The following SPIDR variants were observed in gnomAD, a reference collection of about 807,000 sequenced individuals.
SPIDR encodes the protein DNA repair-scaffolding protein.
A neutral mutation model predicts 104.6 loss-of-function variants in SPIDR; 93 were observed. The ratio of observed to expected loss-of-function variants is 0.89; its 90% CI spans 0.75 to 1.06. The LOEUF is 1.06. Among genes scored for constraint, SPIDR ranks in the 50% least tolerant of loss-of-function variants. The probability of loss-of-function intolerance (pLI) is 0.00; values close to 1 mark genes in which losing one functional copy is unlikely to be tolerated. For synonymous variants in SPIDR, 431 were observed against 416.9 expected, an observed-to-expected ratio of 1.03 and a Z score of -0.41; for missense variants, 1,154 against 1,111.2, an observed-to-expected ratio of 1.04 and a Z score of -0.55.
At chr8:47,417,420 GTCT>G (rs1242680323) in intron 7 of SPIDR, among the ~76,000 whole-genome samples, 1 of 152,200 alleles carries the variant, frequency 6.6e-6, no homozygotes, top group East Asian at 1.9e-4. Context: ...CTGCATAAAT[GTCT>G]TCTTGTGAGA....
intron 5 of SPIDR, among the ~76,000 whole-genome samples, chr8:47,390,841 A>G (rs1201057064): frequency 6.6e-6 from 1 of 152,186 alleles, no homozygotes; most frequent in African/African-American, 2.4e-5. Flanking sequence ...GATCAAAAAC[A>G]AATCTGTCTT....
chr8:47,363,088 G>C (rs1283925262), intron 5 of SPIDR, among the ~76,000 whole-genome samples: 1 of 151,966 alleles, frequency 6.6e-6, no homozygotes, highest in African/African-American at 2.4e-5. Context: ...GTTTCTCAGG[G>C]CTCACATTAC....
chr8:47,638,558 G>GGGAGA (rs1374984645), intron 10 of SPIDR, among the ~76,000 whole-genome samples: 1 of 152,176 alleles, frequency 6.6e-6, no homozygotes, highest in Non-Finnish European at 1.5e-5. Context: ...TCTTGCTACT[G>GGGAGA]GGAGAGCTTC....
At chr8:47,361,029 T>C (rs2055788131) in intron 5 of SPIDR, 1 of 954,098 alleles carries the variant, frequency 1.0e-6, no homozygotes, top group African/African-American at 1.8e-5. Context: ...GTGATGCTGA[T>C]AAAAGTGTAA....
At chr8:47,470,346 C>G (rs962461353) in intron 8 of SPIDR, among the ~76,000 whole-genome samples, 7 of 151,996 alleles carry the variant, frequency 4.6e-5, no homozygotes, top group African/African-American at 1.7e-4. Context: ...TGGAGTGCAG[C>G]GACACGATCT....
intron 8 of SPIDR, among the ~76,000 whole-genome samples, chr8:47,585,419 AT>A (rs1187910856): frequency 2.6e-5 from 4 of 152,274 alleles, no homozygotes; most frequent in East Asian, 3.9e-4. Context: ...TACAATGTCT[AT>A]TTTTTATTAA....
chr8:47,352,561 T>C (rs1554623147), intron 5 of SPIDR, among the ~76,000 whole-genome samples: 2 of 152,164 alleles, frequency 1.3e-5, no homozygotes. Flanking sequence ...CGTAGACTGC[T>C]AAATGTTTGT....
chr8:47,667,890 TAAA>T (rs2075202200), intron 10 of SPIDR: 2 of 152,104 alleles, frequency 1.3e-5, no homozygotes, highest in Non-Finnish European at 2.9e-5. Context: ...GTAATATTAA[TAAA>T]ACTTGAAAAA....
At chr8:47,504,231 T>C (rs1438249137) in intron 8 of SPIDR, among the ~76,000 whole-genome samples, 2 of 152,228 alleles carry the variant, frequency 1.3e-5, no homozygotes, top group Non-Finnish European at 2.9e-5. Context: ...GCAGAGTGTT[T>C]TCCAGCTTGG....
Position 47,633,573 on chromosome 8 carries a change from A to C in SPIDR, c.1544+34377A>C, listed in dbSNP as rs539652414. 3.3e-3 allele frequency among the ~76,000 whole-genome samples: 502 copies of C among 151,154 alleles called. 2 individuals are homozygous for C. The highest frequency in any genetic ancestry group is 0.012 in the African/African-American group (475 of 41,202). ...GCAAATGATTGAAAAAAAAAAAAAA[A>C]CAAAAACCAAGCATGGTGGCTTTGG... On this transcript the variant is annotated intron_variant, in intron 10 of 19. Transcript: ENST00000297423.
chr8:47,580,844 A>G (rs575174136), intron 8 of SPIDR, among the ~76,000 whole-genome samples: 1 of 152,182 alleles, frequency 6.6e-6, no homozygotes, highest in Non-Finnish European at 1.5e-5. Flanking sequence ...CACATGTCAG[A>G]TACTGTGAAG....
rs566322659 is a variant in SPIDR, at chr8:47,639,695, C to T, written c.1545-34106C>T. Among the ~76,000 whole-genome samples the T allele has an allele frequency of 2.8e-3, 419 of 152,230 alleles. 3 individuals are homozygous for T. Among genetic ancestry groups the T allele is most frequent in the African/African-American group, 9.8e-3 (409 of 41,552 alleles). On this transcript the variant is annotated intron_variant, in intron 10 of 19. Transcript: ENST00000297423. ...AGGTGCAGTGGCTCGCGCCTGTTAT[C>T]CCAGCACTCTGGGAGGCCGAGGCGG...
At chr8:47,534,275 C>T (rs961841089) in intron 8 of SPIDR, among the ~76,000 whole-genome samples, 2 of 152,164 alleles carry the variant, frequency 1.3e-5, no homozygotes, top group African/African-American at 4.8e-5. Context: ...CAGACTAATA[C>T]ACTTGGTATA....
chr8:47,705,704 G>T (rs182191165), intron 14 of SPIDR, among the ~76,000 whole-genome samples: 2 of 152,224 alleles, frequency 1.3e-5, no homozygotes, highest in African/African-American at 4.8e-5. Flanking sequence ...AGGAGTTCCA[G>T]ACCAACCTGG....
chr8:47,459,263 G>T (rs1022510542), intron 8 of SPIDR, among the ~76,000 whole-genome samples: 5 of 152,062 alleles, frequency 3.3e-5, no homozygotes, highest in African/African-American at 4.8e-5. Context: ...AATCTGTCTG[G>T]TCCTGGAAGT....
chr8:47,511,299 T>G lies in SPIDR; in HGVS notation c.1097+70757T>G, dbSNP rs1472516131. On this transcript the variant is annotated intron_variant, in intron 8 of 19. Coordinates refer to ENST00000297423, the MANE Select transcript of SPIDR (RefSeq NM_001080394.4). ...CGACGATTAAGATGGAAGAGCTGGCTTTGGCTTCATTTTCTGCCAGTTGGA... is the reference window on the plus strand; with the variant it reads ...CGACGATTAAGATGGAAGAGCTGGCGTTGGCTTCATTTTCTGCCAGTTGGA... The G allele has an allele frequency of 2.1e-6, 3 of 1,401,524 alleles. No homozygotes were observed. In the South Asian group the frequency reaches 3.5e-5, roughly 16 times the overall value. 86.8% of individuals were successfully genotyped at this position (1,401,524 alleles called of 1,614,324 possible).
intron 8 of SPIDR, among the ~76,000 whole-genome samples, chr8:47,486,614 C>A (rs956310830): frequency 1.3e-5 from 2 of 152,162 alleles, no homozygotes; most frequent in African/African-American, 4.8e-5. Flanking sequence ...GGTCGGGTTA[C>A]CCACAAAGGG....
rs577097303 is a variant in SPIDR at position 47,522,704 on chromosome 8, T to G, written c.1098-73107T>G. ...AAGACAGTTAAAAGTAAGAAGTATT[T>G]GTTGCAATTTTTAAAAACATGGTTT... On this transcript the variant is annotated intron_variant, in intron 8 of 19. Transcript: ENST00000297423. 5.3e-5 allele frequency among the ~76,000 whole-genome samples: 8 copies of G among 152,366 alleles called. No individual in the cohort carries two copies. The South Asian group carries it at 1.7e-3, about 32-fold the overall frequency.
At chr8:47,550,576 T>C (rs866795209) in intron 8 of SPIDR, among the ~76,000 whole-genome samples, 1 of 152,202 alleles carries the variant, frequency 6.6e-6, no homozygotes, top group South Asian at 2.1e-4. Context: ...TTGTCTGTTA[T>C]TGGTGTATAT....
Sources: gnomAD v4.1 joint callset for allele counts (sites outside exome capture counted in the v4.1 genomes callset) on GRCh38, gnomAD v4.1.1 for gene constraint, MANE v1.5 for transcripts, NCBI Gene and HGNC (gene_info 2026-07-23, HGNC 2026-07-21) for gene names.